ARHGAP39: variants seen among roughly 807,000 people sequenced by gnomAD.
ARHGAP39 encodes the protein rho GTPase-activating protein 39.
ARHGAP39 carries 44 observed loss-of-function variants against 106.9 expected under a neutral mutation model. The observed-to-expected ratio is 0.41, with a 90% CI of 0.32 to 0.53. ARHGAP39 has a LOEUF of 0.53. Ranked by LOEUF, ARHGAP39 falls within the 20% of genes least tolerant of loss-of-function variation. The pLI is 0.21. For synonymous variants in ARHGAP39, 768 were observed against 693.2 expected, an observed-to-expected ratio of 1.11 and a Z score of -1.69; for missense variants, 1,496 against 1,577.3, an observed-to-expected ratio of 0.95 and a Z score of 0.87.
intron 1 of ARHGAP39, among the ~76,000 whole-genome samples, chr8:144,642,049 T>C (rs1373811728): frequency 6.6e-6 from 1 of 152,220 alleles, no homozygotes; most frequent in Non-Finnish European, 1.5e-5. Flanking sequence ...ATGGCAGCAA[T>C]AGAATACTAA....
intron 3 of ARHGAP39, among the ~76,000 whole-genome samples, chr8:144,570,492 G>C (rs1452359890): frequency 6.6e-6 from 1 of 152,200 alleles, no homozygotes; most frequent in Non-Finnish European, 1.5e-5. Flanking sequence ...TTCAAGGCAA[G>C]AAGACTGTGA....
intron 7 of ARHGAP39, 129 bp from the exon 8 acceptor site, chr8:144,534,331 C>A: frequency 1.1e-6 from 1 of 940,216 alleles, no homozygotes; most frequent in South Asian, 1.5e-5. Flanking sequence ...TCACCCCCTG[C>A]CCAGCACAGC....
At chr8:144,678,260 ACTCT>A (rs1254900200) in intron 1 of ARHGAP39, among the ~76,000 whole-genome samples, 2 of 148,264 alleles carry the variant, frequency 1.3e-5, no homozygotes, top group African/African-American at 5.0e-5. Flanking sequence ...ACCCACCCTG[ACTCT>A]CTCTCTAAAA....
rs557807789 is a variant in ARHGAP39 at position 144,681,783 on chromosome 8, C to G, written c.-82+3903G>C. Among the ~76,000 whole-genome samples the G allele has an allele frequency of 1.1e-3, 162 of 152,228 alleles. 1 individual carries two copies. The highest frequency in any genetic ancestry group is 3.8e-3 in the African/African-American group (156 of 41,530). ...CATTAAATATTCTCACTTTAAAGGT[C>G]ACAAATCTCAAAACACTCTACTAAA... is the stretch of plus-strand genomic sequence containing the variant. On this transcript the variant is annotated intron_variant, in intron 1 of 11. Transcript: ENST00000377307.
chr8:144,633,505 C>T (rs368884187), intron 1 of ARHGAP39, among the ~76,000 whole-genome samples: 9 of 152,182 alleles, frequency 5.9e-5, no homozygotes, highest in African/African-American at 2.2e-4. Context: ...AATGTCCAGT[C>T]GGCAAAAAAA....
chr8:144,606,601 G>GAGGAGGAGA (rs1200506915), intron 1 of ARHGAP39, among the ~76,000 whole-genome samples: 1 of 151,966 alleles, frequency 6.6e-6, no homozygotes, highest in Non-Finnish European at 1.5e-5. Flanking sequence ...TTAAGAGAAG[G>GAGGAGGAGA]AGGAGGAGAA....
At chr8:144,595,366 G>A (rs1426294894) in intron 2 of ARHGAP39, among the ~76,000 whole-genome samples, 1 of 152,178 alleles carries the variant, frequency 6.6e-6, no homozygotes, top group Non-Finnish European at 1.5e-5. Context: ...CAATCGTCTG[G>A]AGCAGGTGAA....
chr8:144,629,983 AACC>A (rs1330626097), intron 1 of ARHGAP39, among the ~76,000 whole-genome samples: 1 of 152,170 alleles, frequency 6.6e-6, no homozygotes, highest in Non-Finnish European at 1.5e-5. Context: ...TTCTAGCCCC[AACC>A]ACCACAAGGG....
chr8:144,595,395 C>T (rs961631464), intron 2 of ARHGAP39, among the ~76,000 whole-genome samples: 5 of 152,156 alleles, frequency 3.3e-5, no homozygotes, highest in Non-Finnish European at 7.3e-5. Context: ...GACACAAAGC[C>T]GGCCCGCCGT....
intron 1 of ARHGAP39, among the ~76,000 whole-genome samples, chr8:144,633,011 T>C (rs1821099930): frequency 6.6e-6 from 1 of 152,220 alleles, no homozygotes; most frequent in African/African-American, 2.4e-5. Flanking sequence ...GCAAGGTGGC[T>C]TGTGCCTGTA....
rs867615474 is a variant in ARHGAP39, at chr8:144,530,745, C to G, written c.3107G>C (p.Arg1036Pro). Reference sequence around the variant, plus strand: ...GTAGCACAGCACCATGCGGTTGATGCGGGGCAGCGCGTGCACCACGGCCAC... The same window carrying G: ...GTAGCACAGCACCATGCGGTTGATGGGGGGCAGCGCGTGCACCACGGCCAC... ...AAVAVVHALP[R>P]INRMVLCYLI... Residue 1036 changes from arginine (R) to proline (P), a missense_variant, in exon 11 of 12, where the codon CGC becomes CCC. By Grantham distance (103) the Arg-to-Pro change is moderately radical (BLOSUM62 -2). Coordinates refer to ENST00000377307, the MANE Select transcript of ARHGAP39 (RefSeq NM_025251.3). The G allele has an allele frequency of 1.2e-5, 19 of 1,609,200 alleles. No homozygotes were observed. The highest frequency in any genetic ancestry group is 2.2e-5 in the East Asian group (1 of 44,642).
chr8:144,668,589 G>A (rs1822020683), intron 1 of ARHGAP39, among the ~76,000 whole-genome samples: 2 of 152,134 alleles, frequency 1.3e-5, no homozygotes, highest in East Asian at 3.9e-4. Flanking sequence ...AAAATATTTA[G>A]GAATCAATTT....
At chr8:144,698,177 C>T in the ARHGAP39 span, among the ~76,000 whole-genome samples, 1 of 152,106 alleles carries the variant, frequency 6.6e-6, no homozygotes, top group African/African-American at 2.4e-5. Flanking sequence ...TATGAATTCC[C>T]CCAAAAGCTG....
chr8:144,617,592 A>C (rs1340590359), intron 1 of ARHGAP39, among the ~76,000 whole-genome samples: 9 of 152,102 alleles, frequency 5.9e-5, no homozygotes, highest in Non-Finnish European at 8.8e-5. Flanking sequence ...AGACAAAAAA[A>C]AAAAAAAAAG....
At chr8:144,553,686 G>A (rs560727135) in intron 4 of ARHGAP39, among the ~76,000 whole-genome samples, 2 of 152,384 alleles carry the variant, frequency 1.3e-5, no homozygotes, top group South Asian at 4.1e-4. Context: ...GCATGAGGAG[G>A]TGGCCAAGCT....
chr8:144,617,562 C>T (rs1172731244), intron 1 of ARHGAP39, among the ~76,000 whole-genome samples: 6 of 145,448 alleles, frequency 4.1e-5, no homozygotes, highest in Non-Finnish European at 7.5e-5. Context: ...GCCTTGGCCC[C>T]AGGAGATAAG....
intron 3 of ARHGAP39, among the ~76,000 whole-genome samples, chr8:144,558,588 T>C (rs1818030820): frequency 0.01 from 1 of 96 alleles, no homozygotes; most frequent in Non-Finnish European, 0.021. Flanking sequence ...TCACCGCGCC[T>C]GGCCATAAAT....
At chr8:144,665,866 G>T (rs1301699719) in intron 1 of ARHGAP39, among the ~76,000 whole-genome samples, 1 of 152,206 alleles carries the variant, frequency 6.6e-6, no homozygotes, top group African/African-American at 2.4e-5. Flanking sequence ...CTGGGGCATG[G>T]CCTAGTGGAT....
chr8:144,663,038 A>G (rs1264023705), intron 1 of ARHGAP39, among the ~76,000 whole-genome samples: 1 of 130,178 alleles, frequency 7.7e-6, no homozygotes, highest in African/African-American at 3.0e-5. Flanking sequence ...TCACCTCCCC[A>G]TTATCCATCT....
Sources: gnomAD v4.1 joint callset for allele counts (sites outside exome capture counted in the v4.1 genomes callset) on GRCh38, gnomAD v4.1.1 for gene constraint, MANE v1.5 for transcripts, NCBI Gene and HGNC (gene_info 2026-07-23, HGNC 2026-07-21) for gene names.